MATN2: variants seen among roughly 807,000 people sequenced by gnomAD.
The protein encoded by MATN2 is matrilin 2, also known as matrilin-2.
A neutral mutation model predicts 103.2 loss-of-function variants in MATN2; 69 were observed. That is an observed-to-expected ratio of 0.67 (90% CI 0.55 to 0.82). The LOEUF (loss-of-function observed/expected upper bound fraction) is 0.82, where lower values mean the gene tolerates loss of function less well. Among genes scored for constraint, MATN2 ranks in the 40% least tolerant of loss-of-function variants. The probability of loss-of-function intolerance (pLI) is 0.00; values close to 1 mark genes in which losing one functional copy is unlikely to be tolerated. For missense variants in MATN2, 1,023 were observed against 1,211.5 expected, an observed-to-expected ratio of 0.84 and a Z score of 2.31; for synonymous variants, 429 against 450.2, an observed-to-expected ratio of 0.95 and a Z score of 0.60.
chr8:97,872,637 C>T (rs1817933696), intron 1 of MATN2, among the ~76,000 whole-genome samples: 1 of 152,154 alleles, frequency 6.6e-6, no homozygotes, highest in Admixed American at 6.6e-5. Context: ...CATTTCTTGG[C>T]TCTTGGTTCC....
chr8:97,873,451 T>A (rs1369972628), intron 1 of MATN2, among the ~76,000 whole-genome samples: 1 of 151,770 alleles, frequency 6.6e-6, no homozygotes, highest in Admixed American at 6.6e-5. Flanking sequence ...CAGGTTCAGG[T>A]GATCCTCCTA....
In MATN2 at chr8:97,885,729, G is replaced by C. The variant is rs1044963825; in HGVS notation, c.-26-2346G>C. Among the ~76,000 whole-genome samples, 12 of 152,244 alleles carry C rather than the reference G, an allele frequency of 7.9e-5. No homozygotes were observed. In the South Asian group the frequency reaches 2.5e-3, roughly 32 times the overall value. On this transcript the variant is annotated intron_variant, in intron 1 of 18. Transcript: ENST00000254898. The stretch of plus-strand genomic sequence containing the variant: ...TTGGGGGATCCCTCGAGCCTGGGAG[G>C]TTGAGGCTGCCGTGAGCCATGATCA...
rs367741147 is a variant in MATN2, at chr8:97,996,947, A to C, written c.1204+2345A>C. 2.3e-4 allele frequency among the ~76,000 whole-genome samples: 35 copies of C among 152,354 alleles called. No individual in the cohort carries two copies. The East Asian group carries it at 3.7e-3, about 16-fold the overall frequency. On this transcript the variant is annotated intron_variant, in intron 7 of 18. Transcript: ENST00000254898. Reference sequence around the variant, plus strand: ...TTTTTAAAGGAATTTGATGTCATCGAAATTAAACTGGGGGAAAAAAGATCA... The same window carrying C: ...TTTTTAAAGGAATTTGATGTCATCGCAATTAAACTGGGGGAAAAAAGATCA...
chr8:98,033,137 C>A lies in MATN2; in HGVS notation c.2677C>A (p.Arg893=), dbSNP rs145754758. The change falls in exon 17 of 19, where the codon CGG becomes AGG. Residue 893 remains arginine, a synonymous_variant. Transcript: ENST00000254898. ...RYLFEEDNLL[R]STQKLSHSTK... is the part of the protein sequence containing the mutation. ...TCTGTTTGAAGAAGACAATCTTTTA[C>A]GGTCTACACAAAAGCTTTCCCATTC... 6.2e-7 allele frequency: 1 copy of A among 1,609,450 alleles called. No individual in the cohort carries two copies. The highest frequency in any genetic ancestry group is 8.5e-7 in the Non-Finnish European group (1 of 1,177,830).
rs370737836 is a variant in MATN2, at chr8:97,950,347, T to G, written c.835+8448T>G. 7.9e-5 allele frequency among the ~76,000 whole-genome samples: 12 copies of G among 152,234 alleles called. No individual in the cohort carries two copies. In the East Asian group the frequency reaches 1.9e-3, roughly 25 times the overall value. On this transcript the variant is annotated intron_variant, in intron 4 of 18. Transcript: ENST00000254898. Reference sequence around the variant, plus strand: ...CAAGCTAAGTTCCAACAGTGTCCTTTGTTGAGTAGGGGAATTGAACACAGG... The same window carrying G: ...CAAGCTAAGTTCCAACAGTGTCCTTGGTTGAGTAGGGGAATTGAACACAGG...
rs1814232898 is a variant in MATN2, at chr8:98,035,918, T to A, written c.*206T>A. The A allele has an allele frequency of 2.5e-6, 1 of 404,068 alleles. No homozygotes were observed. Among genetic ancestry groups the A allele is most frequent in the South Asian group, 9.4e-5 (1 of 10,596 alleles). The allele number at this position is 404,068 out of a possible 1,614,324, so 25.0% of individuals were successfully genotyped here. The stretch of plus-strand genomic sequence containing the variant: ...TATCTAGGAAAAAAATCCTTCAGAA[T>A]TCTAAGATGAATTTACCAGGTGAGA... On this transcript the variant is annotated 3_prime_UTR_variant, in exon 19 of 19. Transcript: ENST00000254898.
intron 2 of MATN2, among the ~76,000 whole-genome samples, chr8:97,907,711 G>A (rs1311425486): frequency 1.3e-5 from 2 of 152,158 alleles, no homozygotes; most frequent in Non-Finnish European, 2.9e-5. Context: ...CAGTTGTCTT[G>A]TTTGTAAAAT....
chr8:98,032,411 G>A (rs1814066969), intron 16 of MATN2, 94 bp downstream of exon 16: 2 of 936,358 alleles, frequency 2.1e-6, no homozygotes, highest in Admixed American at 2.5e-5. Context: ...ATGTAAGTAT[G>A]TTCAAATTAT....
At chr8:97,987,247 A>G (rs1362340709) in intron 6 of MATN2, among the ~76,000 whole-genome samples, 3 of 152,132 alleles carry the variant, frequency 2.0e-5, no homozygotes, top group Non-Finnish European at 4.4e-5. Flanking sequence ...ATCTTAACAC[A>G]TGGACACGTG....
intron 8 of MATN2, among the ~76,000 whole-genome samples, chr8:98,006,675 C>G (rs1038913094): frequency 6.6e-6 from 1 of 152,188 alleles, no homozygotes; most frequent in African/African-American, 2.4e-5. Flanking sequence ...CAGAGGTGCC[C>G]TGAGACTGTG....
chr8:97,873,294 T>C (rs1817960488), intron 1 of MATN2, among the ~76,000 whole-genome samples: 1 of 152,090 alleles, frequency 6.6e-6, no homozygotes, highest in Non-Finnish European at 1.5e-5. Flanking sequence ...CACTTCTGTT[T>C]AGGGCTTCTC....
At chr8:98,034,797 G>T (rs1362010557) in intron 18 of MATN2, among the ~76,000 whole-genome samples, 1 of 151,938 alleles carries the variant, frequency 6.6e-6, no homozygotes, top group African/African-American at 2.4e-5. Flanking sequence ...TACTTTCCAA[G>T]GCCGAATTCT....
Position 98,035,741 on chromosome 8 carries a change from CATT to C in MATN2, c.*30_*32del. ...TTAGAAATCGCGACACATTTGTAGT[CATT>C]GTATCACGGATTACAATGAACGCAG... On this transcript the variant is annotated 3_prime_UTR_variant, in exon 19 of 19. Coordinates refer to ENST00000254898, the MANE Select transcript of MATN2 (RefSeq NM_002380.5). 1 of 1,513,570 alleles carries C rather than the reference CATT, an allele frequency of 6.6e-7. No individual in the cohort carries two copies. Among genetic ancestry groups the C allele is most frequent in the Non-Finnish European group, 9.1e-7 (1 of 1,100,726 alleles). The allele number at this position is 1,513,570 out of a possible 1,614,324, so 93.8% of individuals were successfully genotyped here.
chr8:97,872,601 A>G (rs759238169), intron 1 of MATN2, among the ~76,000 whole-genome samples: 21 of 152,044 alleles, frequency 1.4e-4, no homozygotes, highest in Non-Finnish European at 2.9e-4. Flanking sequence ...AATGTCTTTC[A>G]TTTTCTGACT....
At chr8:97,977,087 T>G (rs956130844) in intron 5 of MATN2, among the ~76,000 whole-genome samples, 4 of 151,470 alleles carry the variant, frequency 2.6e-5, no homozygotes, top group African/African-American at 4.9e-5. Context: ...AATATAAAAA[T>G]TAGCCAGATG....
intron 1 of MATN2, among the ~76,000 whole-genome samples, chr8:97,882,143 C>A (rs913313848): frequency 6.6e-6 from 1 of 151,472 alleles, no homozygotes; most frequent in Non-Finnish European, 1.5e-5. Flanking sequence ...AGGCTGGTCT[C>A]AAACTTCTGA....
chr8:97,966,137 G>A (rs901450087), intron 5 of MATN2, among the ~76,000 whole-genome samples: 3 of 151,548 alleles, frequency 2.0e-5, no homozygotes, highest in Middle Eastern at 3.2e-3. Flanking sequence ...CAGCCTGGGC[G>A]ACACAGCAAG....
Position 97,931,217 on chromosome 8 carries a change from C to G in MATN2, c.407C>G (p.Thr136Ser), listed in dbSNP as rs1405880188. ...CGGCATCTGTCCACGGGCACCATGA[C>G]TGGGCTGGCCATCCAGTATGCCCTG... is the stretch of plus-strand genomic sequence containing the variant. ...RMRHLSTGTMTGLAIQYALNI... is the reference protein window; with the variant it reads ...RMRHLSTGTMSGLAIQYALNI... The change falls in exon 3 of 19, where the codon ACT (threonine) becomes AGT (serine). Residue 136 changes from threonine to serine, a missense_variant. By Grantham distance (58) the Thr-to-Ser change is moderately conservative (BLOSUM62 1). Coordinates refer to ENST00000254898, the MANE Select transcript of MATN2 (RefSeq NM_002380.5). The surrounding 1 kb of genome is among the most constrained non-coding windows in gnomAD (Gnocchi z 4.1). 1.2e-6 allele frequency: 2 copies of G among 1,613,616 alleles called. No individual in the cohort carries two copies. Among genetic ancestry groups the G allele is most frequent in the Non-Finnish European group, 1.7e-6 (2 of 1,179,630 alleles).
chr8:98,006,267 T>C (rs1157933474), intron 8 of MATN2, among the ~76,000 whole-genome samples: 4 of 152,240 alleles, frequency 2.6e-5, no homozygotes, highest in Admixed American at 6.5e-5. Context: ...ATTGATTTCA[T>C]GGAGAATGAC....
Sources: gnomAD v4.1 joint callset for allele counts (sites outside exome capture counted in the v4.1 genomes callset) on GRCh38, gnomAD v4.1.1 for gene constraint, Gnocchi (gnomAD v3.1) non-coding constraint, MANE v1.5 for transcripts, NCBI Gene and HGNC (gene_info 2026-07-23, HGNC 2026-07-21) for gene names.